Variants in KRT85 observed in about 807,000 individuals in gnomAD.
KRT85 encodes the protein keratin, type II cuticular Hb5.
A neutral mutation model predicts 53.7 loss-of-function variants in KRT85; 39 were observed. The observed-to-expected ratio is 0.73, with a 90% CI of 0.56 to 0.95. The LOEUF is 0.95. Among genes scored for constraint, KRT85 ranks in the 40% least tolerant of loss-of-function variants. KRT85 has a pLI of 0.00. For missense variants in KRT85, 668 were observed against 686.0 expected (o/e 0.97, Z 0.29); for synonymous variants, 291 against 277.5 (o/e 1.05, Z -0.48).
Position 52,367,202 on chromosome 12 carries a change from T to A in KRT85, c.204A>T (p.Val68=). ...CGCAGGAGCCGGCTCGGAAGCCACC[T>A]ACAGCTATCCGGGGCCCGCAGGAGC... ...NLGSCGPRIA[V]GGFRAGSCGR... The change falls in exon 1 of 9, where the codon GTA becomes GTT. Residue 68 remains valine, a synonymous_variant. Transcript: ENST00000257901. 6.2e-7 allele frequency: 1 copy of A among 1,613,852 alleles called. No individual in the cohort carries two copies. Among genetic ancestry groups the A allele is most frequent in the Non-Finnish European group, 8.5e-7 (1 of 1,179,910 alleles).
At position 52,367,480 on chromosome 12, in the gene KRT85, C is replaced by T. The variant is rs998633280; in HGVS notation, c.-75G>A. 2.0e-6 allele frequency: 3 copies of T among 1,474,926 alleles called. No individual in the cohort carries two copies. The African/African-American group carries it at 4.2e-5, about 20-fold the overall frequency. The allele number at this position is 1,474,926 out of a possible 1,614,324, so 91.4% of individuals were successfully genotyped here. A position where few individuals can be genotyped will look rare whatever the true frequency, so the allele number is the denominator to read the frequency against. On this transcript the variant is annotated 5_prime_UTR_variant, in exon 1 of 9. Transcript: ENST00000257901. ...GCAGAGTGCGAGGCTCAGGATCCTT[C>T]TGCTCTCTCTGATCCTCCCTGGTCC...
At chr12:52,361,402 C>T (rs1048299395) in intron 8 of KRT85, 65 bp downstream of exon 8, 98 of 1,458,074 alleles carry the variant, frequency 6.7e-5, no homozygotes, top group Non-Finnish European at 8.8e-5. Flanking sequence ...ATGGGTTAGG[C>T]CAATGAGTTC....
chr12:52,364,969 T>C lies in KRT85; in HGVS notation c.622A>G (p.Lys208Glu). ...CCAGCTTGCTGCACTCACTTCTTCT[T>C]GTAGCCCTCCAGCACCTCCTGCACA... Reference protein sequence around the residue: ...NHVQEVLEGYKKKYEEEVALR... With the variant: ...NHVQEVLEGYEKKYEEEVALR... The change falls in exon 2 of 9, where the codon AAG (lysine) becomes GAG (glutamate). Residue 208 changes from lysine (K) to glutamate (E), a missense_variant. Coordinates refer to ENST00000257901, the MANE Select transcript of KRT85 (RefSeq NM_002283.4). 1.9e-6 allele frequency: 3 copies of C among 1,612,656 alleles called. No individual in the cohort carries two copies. The highest frequency in any genetic ancestry group is 2.5e-6 in the Non-Finnish European group (3 of 1,179,928).
rs888731165 is a variant in KRT85, at chr12:52,366,873, C to T, written c.420+113G>A. The T allele has an allele frequency of 4.8e-5, 76 of 1,567,970 alleles. 1 individual carries two copies. In the Admixed American group the frequency reaches 1.3e-3, roughly 26 times the overall value. On this transcript the variant is annotated intron_variant, in intron 1 of 8. Coordinates refer to ENST00000257901, the MANE Select transcript of KRT85 (RefSeq NM_002283.4). ...CTTCCACCTGTATGGGTCTGCACGT[C>T]ATTCCCTCTGCTGCCTCAAACCGGC...
chr12:52,362,203 G>T (rs1376480527), intron 7 of KRT85, 48 bp downstream of exon 7: 6 of 1,613,438 alleles, frequency 3.7e-6, no homozygotes, highest in South Asian at 3.3e-5. Flanking sequence ...ACTCCTGGAG[G>T]ACCACAGCCT....
In KRT85 at chr12:52,362,328, C is replaced by G. The variant is rs1592141141; in HGVS notation, c.1221G>C (p.Gln407His). 1 of 1,614,194 alleles carries G rather than the reference C, an allele frequency of 6.2e-7. No homozygotes were observed. Among genetic ancestry groups the G allele is most frequent in the East Asian group, 2.2e-5 (1 of 44,868 alleles). Reference protein sequence around the residue: ...QDMACLLKEYQEVMNSKLGLD... With the variant: ...QDMACLLKEYHEVMNSKLGLD... The stretch of plus-strand genomic sequence containing the variant: ...GGCCCAGCTTGGAGTTCATCACCTC[C>G]TGGTACTCCTTGAGCAGGCAGGCCA... The change falls in exon 7 of 9, where the codon CAG (glutamine) becomes CAC (histidine). Residue 407 changes from glutamine to histidine, a missense_variant. Transcript: ENST00000257901.
Position 52,360,893 on chromosome 12 carries a change from C to A in KRT85, c.1484G>T (p.Ser495Ile). The A allele has an allele frequency of 6.2e-7, 1 of 1,612,462 alleles. No homozygotes were observed. The highest frequency in any genetic ancestry group is 8.5e-7 in the Non-Finnish European group (1 of 1,180,026). The change falls in exon 9 of 9, where the codon AGC (serine) becomes ATC (isoleucine). Residue 495 changes from serine to isoleucine, a missense_variant. Around this residue, in one of 3 missense-constraint regions of KRT85, gnomAD observed 488 missense variants for 498.1 expected, o/e 0.98. Transcript: ENST00000257901. The part of the protein sequence containing the change: ...SCAPCQPRSS[S>I]FSCGSSRSVR... The stretch of plus-strand genomic sequence containing the variant: ...CGACCGGCTACTCCCGCAGCTGAAG[C>A]TGGAGGAACGAGGCTGGCAGGGGGC...
Position 52,362,404 on chromosome 12 carries a change from C to T in KRT85, c.1145G>A (p.Arg382His), listed in dbSNP as rs373825859. 55 of 1,614,056 alleles carry T rather than the reference C, an allele frequency of 3.4e-5. 2 individuals are homozygous for T. The highest frequency in any genetic ancestry group is 8.0e-5 in the African/African-American group (6 of 74,938). ...GCCCTCCAGCTCAGCCAGCTTGCAG[C>T]GGGCATCGCTGAGGGCCGCCTCACC... ...QQGEAALSDA[R>H]CKLAELEGAL... The change falls in exon 7 of 9, where the codon CGC becomes CAC. Residue 382 changes from arginine (R) to histidine (H), a missense_variant. This residue lies in a region of KRT85 where 488 missense variants were observed against 498.1 expected (regional missense o/e 0.98). Coordinates refer to ENST00000257901, the MANE Select transcript of KRT85 (RefSeq NM_002283.4).
At chr12:52,365,214 G>A (rs1391927496) in intron 1 of KRT85, 44 bp from the exon 2 acceptor site, 2 of 1,595,284 alleles carry the variant, frequency 1.3e-6, no homozygotes, top group South Asian at 2.2e-5. Flanking sequence ...AGCCTGGGGG[G>A]AGGCACCTGG....
At position 52,363,423 on chromosome 12, in the gene KRT85, C is replaced by T; in HGVS notation, c.787-13G>A. On this transcript the variant is annotated splice_polypyrimidine_tract_variant and intron_variant, in intron 4 of 8. Transcript: ENST00000257901. The stretch of plus-strand genomic sequence containing the variant: ...GAACGCGGATCTCCTGTGGGGCCAA[C>T]AGCCAGTGCATTTGCTTCTAGTGCC... The T allele has an allele frequency of 1.2e-6, 2 of 1,614,144 alleles. No individual in the cohort carries two copies. Among genetic ancestry groups the T allele is most frequent in the Non-Finnish European group, 1.7e-6 (2 of 1,180,008 alleles).
At position 52,363,286 on chromosome 12, in the gene KRT85, C is replaced by T; in HGVS notation, c.911G>A (p.Ser304Asn). 6.2e-7 allele frequency: 1 copy of T among 1,614,230 alleles called. No homozygotes were observed. The highest frequency in any genetic ancestry group is 8.5e-7 in the Non-Finnish European group (1 of 1,180,034). ...GGACTCAGCCTCGGCCCGGCTGCGG[C>T]TGGCAACATCGTCATACTGAGCCTT... is the stretch of plus-strand genomic sequence containing the variant. ...EIKAQYDDVA[S>N]RSRAEAESWY... The change falls in exon 5 of 9, where the codon AGC (serine) becomes AAC (asparagine). Residue 304 changes from serine to asparagine, a missense_variant. Physicochemically the swap from Ser to Asn is conservative, Grantham distance 46. This residue lies in a region of KRT85 where 488 missense variants were observed against 498.1 expected (regional missense o/e 0.98). Transcript: ENST00000257901.
At chr12:52,366,923 T>TGGGA in intron 1 of KRT85, 63 bp downstream of exon 1, 12 of 1,612,966 alleles carry the variant, frequency 7.4e-6, no homozygotes, top group Non-Finnish European at 1.0e-5. Context: ...CTCAGCAGAC[T>TGGGA]GGGACCTCCC....
chr12:52,363,435 T>C (rs752801617), intron 4 of KRT85, 25 bp from the exon 5 acceptor site: 4 of 1,613,978 alleles, frequency 2.5e-6, no homozygotes, highest in Non-Finnish European at 3.4e-6. Flanking sequence ...GCCAGTGCAT[T>C]TGCTTCTAGT....
intron 6 of KRT85, 105 bp from the exon 7 acceptor site, chr12:52,362,576 G>T: frequency 6.9e-7 from 1 of 1,445,976 alleles, no homozygotes; most frequent in Non-Finnish European, 9.5e-7. Flanking sequence ...TGGAGAGAAG[G>T]TTGGCCCGTG....
chr12:52,367,245 C>A lies in KRT85; in HGVS notation c.161G>T (p.Arg54Leu). ...CYRGLTGFGS[R>L]SLCNLGSCGP... Reference sequence around the variant, plus strand: ...GCAGGAGCCCAGGTTGCAGAGGCTGCGGCTGCCGAAGCCCGTCAGCCCTCG... The same window carrying A: ...GCAGGAGCCCAGGTTGCAGAGGCTGAGGCTGCCGAAGCCCGTCAGCCCTCG... The change falls in exon 1 of 9, where the codon CGC (arginine) becomes CTC (leucine). Residue 54 changes from arginine to leucine, a missense_variant. By Grantham distance (102) the Arg-to-Leu change is moderately radical (BLOSUM62 -2). This residue lies in a region of KRT85 where 158 missense variants were observed against 141.8 expected (regional missense o/e 1.11). Coordinates refer to ENST00000257901, the MANE Select transcript of KRT85 (RefSeq NM_002283.4). 6.2e-7 allele frequency: 1 copy of A among 1,612,076 alleles called. No individual in the cohort carries two copies. Among genetic ancestry groups the A allele is most frequent in the Non-Finnish European group, 8.5e-7 (1 of 1,178,858 alleles).
In KRT85 at chr12:52,365,159, C is replaced by T; in HGVS notation, c.432G>A (p.Leu144=). 1 of 1,614,194 alleles carries T rather than the reference C, an allele frequency of 6.2e-7. No individual in the cohort carries two copies. The highest frequency in any genetic ancestry group is 8.5e-7 in the Non-Finnish European group (1 of 1,180,044). The part of the protein sequence containing the change: ...FAAFIDKVRF[L]EQQNKLLETK... ...TCTCCAGCAGCTTGTTCTGCTGCTC[C>T]AGGAAGCGCACCTGCCATTCAGGTG... The change falls in exon 2 of 9, where the codon CTG becomes CTA. Residue 144 remains leucine (L), a synonymous_variant. Transcript: ENST00000257901.
Position 52,360,644 on chromosome 12 carries a change from A to T in KRT85, c.*209T>A. ...AAGGGCTGGGAATGCCTCTGAAAAC[A>T]GCTGCCAGGAGGACAACTAGGATGC... On this transcript the variant is annotated 3_prime_UTR_variant, in exon 9 of 9. Transcript: ENST00000257901. 1.6e-6 allele frequency: 1 copy of T among 610,314 alleles called. No individual in the cohort carries two copies. The allele number at this position is 610,314 out of a possible 1,614,324, so 37.8% of individuals were successfully genotyped here.
intron 5 of KRT85, 22 bp downstream of exon 5, chr12:52,363,224 G>T: frequency 6.2e-7 from 1 of 1,614,036 alleles, no homozygotes; most frequent in Non-Finnish European, 8.5e-7. Flanking sequence ...TGCTTAGCAG[G>T]CAGGTGTCCT....
Position 52,360,538 on chromosome 12 carries a change from G to A in KRT85, c.*315C>T. The stretch of plus-strand genomic sequence containing the variant: ...AGCTTCCGTGCTGACCACCACGCTG[G>A]GGGACTGGTCTTGTCCCTGAGAGCT... On this transcript the variant is annotated 3_prime_UTR_variant, in exon 9 of 9. Transcript: ENST00000257901. 2 of 397,778 alleles carry A rather than the reference G, an allele frequency of 5.0e-6. No homozygotes were observed. The highest frequency in any genetic ancestry group is 9.4e-6 in the Non-Finnish European group (2 of 211,946). The allele number at this position is 397,778 out of a possible 1,614,324, so 24.6% of individuals were successfully genotyped here. A position where few individuals can be genotyped will look rare whatever the true frequency, so the allele number is the denominator to read the frequency against.
Sources: allele counts gnomAD v4.1 joint callset, GRCh38; gene constraint gnomAD v4.1.1; regional missense constraint gnomAD v4.1.1; transcripts MANE v1.5; gene names NCBI Gene and HGNC (gene_info 2026-07-23, HGNC 2026-07-21).